Variants in GLIS2 observed in about 807,000 individuals in gnomAD.
GLIS2 encodes the protein zinc finger protein GLIS2.
GLIS2 carries 14 observed loss-of-function variants against 35.6 expected under a neutral mutation model. That is an observed-to-expected ratio of 0.39 (90% CI 0.26 to 0.61). The LOEUF (loss-of-function observed/expected upper bound fraction) is 0.61, where lower values mean the gene tolerates loss of function less well. Among genes scored for constraint, GLIS2 ranks in the 20% least tolerant of loss-of-function variants. The probability of loss-of-function intolerance (pLI) is 0.48; values close to 1 mark genes in which losing one functional copy is unlikely to be tolerated. For missense variants in GLIS2, 675 were observed against 713.4 expected (o/e 0.95, Z 0.61); for synonymous variants, 368 against 325.1 (o/e 1.13, Z -1.42).
In GLIS2 at chr16:4,334,870, G is replaced by T; in HGVS notation, c.415G>T (p.Gly139Trp). 8.1e-6 allele frequency: 13 copies of T among 1,612,614 alleles called. No homozygotes were observed. The highest frequency in any genetic ancestry group is 1.1e-5 in the Non-Finnish European group (13 of 1,179,878). ...SFQFFLPLGS[G>W]GALHLPASSF... ...CCAGTTCTTCCTGCCCCTCGGCTCC[G>T]GGGGGGCCCTGCACCTGCCTGCCTC... The change falls in exon 4 of 7, where the codon GGG becomes TGG. Residue 139 changes from glycine (G) to tryptophan (W), a missense_variant. This residue lies in a region of GLIS2 where 225 missense variants were observed against 238.7 expected (regional missense o/e 0.94). Coordinates refer to ENST00000433375, the MANE Select transcript of GLIS2 (RefSeq NM_032575.3).
intron 2 of GLIS2, 45 bp from the exon 3 acceptor site, chr16:4,333,302 G>A: frequency 1.2e-6 from 2 of 1,609,236 alleles, no homozygotes; most frequent in South Asian, 2.2e-5. Flanking sequence ...CTGGCCCACT[G>A]GGACTCTACA....
chr16:4,322,605 AC>A (rs2053389600), intron 1 of GLIS2, among the ~76,000 whole-genome samples: 1 of 150,218 alleles, frequency 6.7e-6, no homozygotes, highest in Admixed American at 6.6e-5. Flanking sequence ...TCTGTGCCCA[AC>A]CCCCTGCAGG....
Position 4,338,102 on chromosome 16 carries a change from G to C in GLIS2, c.*578G>C, listed in dbSNP as rs941963976. 4.1e-5 allele frequency: 7 copies of C among 168,952 alleles called. No homozygotes were observed. The highest frequency in any genetic ancestry group is 1.3e-5 in the Non-Finnish European group (1 of 77,896). 10.5% of individuals were successfully genotyped at this position (168,952 alleles called of 1,614,324 possible). A position where few individuals can be genotyped will look rare whatever the true frequency, so the allele number is the denominator to read the frequency against. ...CCTGCAAAGCCCCAGGTAGAAGCAT[G>C]CCCCCCAGGACAAGGCGCCTCCCAC... On this transcript the variant is annotated 3_prime_UTR_variant, in exon 7 of 7. Coordinates refer to ENST00000433375, the MANE Select transcript of GLIS2 (RefSeq NM_032575.3).
rs2053566706 is a variant in GLIS2, at chr16:4,337,356, G to C, written c.1407G>C (p.Glu469Asp). 1.3e-6 allele frequency: 2 copies of C among 1,593,004 alleles called. No individual in the cohort carries two copies. Among genetic ancestry groups the C allele is most frequent in the Non-Finnish European group, 1.7e-6 (2 of 1,171,616 alleles). The change falls in exon 7 of 7, where the codon GAG becomes GAC. Residue 469 changes from glutamate to aspartate, a missense_variant. This residue lies in a region of GLIS2 where 317 missense variants were observed against 283.2 expected (regional missense o/e 1.12). Transcript: ENST00000433375. ...EGHKTPLERT[E>D]SSCSRPSPDG... ...ACAAGACGCCCCTTGAAAGGACGGAGAGCAGCTGCTCCCGGCCAAGCCCCG... is the reference window on the plus strand; with the variant it reads ...ACAAGACGCCCCTTGAAAGGACGGACAGCAGCTGCTCCCGGCCAAGCCCCG...
Position 4,332,086 on chromosome 16 carries a change from G to A in GLIS2, c.-66-129G>A, listed in dbSNP as rs1334900177. ...TGATAGCTGCCGGCCAGGTCGCTCG[G>A]AGGGTCTCCCTACCCAGGAGACAAC... is the stretch of plus-strand genomic sequence containing the variant. On this transcript the variant is annotated intron_variant, in intron 1 of 6. Coordinates refer to ENST00000433375, the MANE Select transcript of GLIS2 (RefSeq NM_032575.3). This position sits in a 1 kb window ranked among gnomAD's most constrained non-coding sequence, Gnocchi z 5.4. The A allele has an allele frequency of 1.1e-5, 8 of 719,316 alleles. No homozygotes were observed. The highest frequency in any genetic ancestry group is 1.4e-5 in the Non-Finnish European group (6 of 415,706). 44.6% of individuals were successfully genotyped at this position (719,316 alleles called of 1,614,324 possible). A position where few individuals can be genotyped will look rare whatever the true frequency, so the allele number is the denominator to read the frequency against.
At chr16:4,333,939 C>T (rs1259553947) in intron 3 of GLIS2, among the ~76,000 whole-genome samples, 1 of 152,026 alleles carries the variant, frequency 6.6e-6, no homozygotes, top group Non-Finnish European at 1.5e-5. Context: ...ATAGCAAGAC[C>T]CCATCTCTAT....
intron 3 of GLIS2, among the ~76,000 whole-genome samples, chr16:4,334,103 C>A (rs1399564264): frequency 6.6e-6 from 1 of 151,818 alleles, no homozygotes; most frequent in Non-Finnish European, 1.5e-5. Flanking sequence ...TCACACCTGG[C>A]TACTTTTGTA....
chr16:4,334,397 C>T (rs2053527914), intron 3 of GLIS2, among the ~76,000 whole-genome samples: 1 of 151,802 alleles, frequency 6.6e-6, no homozygotes, highest in Admixed American at 6.6e-5. Flanking sequence ...GCCATCACGC[C>T]TGGCTAATTT....
At chr16:4,326,416 C>T (rs1227738821) in intron 1 of GLIS2, 7 of 152,244 alleles carry the variant, frequency 4.6e-5, no homozygotes, top group African/African-American at 1.7e-4. Context: ...AACACTGCCA[C>T]GCTGGTCACT....
intron 1 of GLIS2, among the ~76,000 whole-genome samples, chr16:4,331,040 G>T (rs1399122705): frequency 6.6e-6 from 1 of 152,112 alleles, no homozygotes; most frequent in Non-Finnish European, 1.5e-5. Flanking sequence ...GCAGTGGTGC[G>T]ATCTCGGCTC....
At chr16:4,315,669 G>A (rs1039016168), upstream of GLIS2, among the ~76,000 whole-genome samples, 27 of 151,260 alleles carry the variant, frequency 1.8e-4, no homozygotes, top group East Asian at 3.9e-4. Context: ...GGGGCCGCGG[G>A]GGGGGGGTGG....
intron 1 of GLIS2, among the ~76,000 whole-genome samples, chr16:4,324,142 G>T (rs1424385515): frequency 6.6e-6 from 1 of 152,188 alleles, no homozygotes; most frequent in East Asian, 1.9e-4. Flanking sequence ...GAGGGGGTCT[G>T]CCCTCCCAAA....
rs532656449 is a variant in GLIS2, at chr16:4,336,597, C to T, written c.776-128C>T. On this transcript the variant is annotated intron_variant, in intron 6 of 6. Transcript: ENST00000433375. ...TCATGCCATGTGCTGGGGATGCCCC[C>T]TGCCCCCAGAATTGGGGCATCTATG... 1.8e-4 allele frequency: 170 copies of T among 938,390 alleles called. No homozygotes were observed. In the African/African-American group the frequency reaches 2.6e-3, roughly 14 times the overall value. The allele number at this position is 938,390 out of a possible 1,614,324, so 58.1% of individuals were successfully genotyped here. A position where few individuals can be genotyped will look rare whatever the true frequency, so the allele number is the denominator to read the frequency against.
At chr16:4,318,724 C>T (rs996029044) in intron 1 of GLIS2, among the ~76,000 whole-genome samples, 4 of 152,260 alleles carry the variant, frequency 2.6e-5, no homozygotes, top group Admixed American at 1.3e-4. Context: ...CTGGCCTTGG[C>T]CCCGGGCGGT....
chr16:4,333,622 C>G, intron 3 of GLIS2, 103 bp downstream of exon 3: 1 of 1,272,110 alleles, frequency 7.9e-7, no homozygotes, highest in Non-Finnish European at 1.1e-6. Context: ...AGATGTGTTA[C>G]CCCTCATAAT....
rs778528093 is a variant in GLIS2, at chr16:4,335,150, C to A, written c.613C>A (p.His205Asn). 3 of 1,613,148 alleles carry A rather than the reference C, an allele frequency of 1.9e-6. No homozygotes were observed. In the African/African-American group the frequency reaches 4.0e-5, roughly 22 times the overall value. ...KPEKDAGYCC[H>N]WEGCARHGRG... is the part of the protein sequence containing the mutation. ...CGAGAAGGATGCGGGGTACTGCTGC[C>A]ACTGGGAGGGCTGCGCCCGCCATGG... is the stretch of plus-strand genomic sequence containing the variant. The change falls in exon 5 of 7, where the codon CAC becomes AAC. Residue 205 changes from histidine to asparagine, a missense_variant. His to Asn is a moderately conservative substitution (Grantham distance 68, BLOSUM62 1). Around this residue, in one of 3 missense-constraint regions of GLIS2, gnomAD observed 133 missense variants for 191.4 expected, o/e 0.69. Transcript: ENST00000433375. This position sits in a 1 kb window ranked among gnomAD's most constrained non-coding sequence, Gnocchi z 4.6.
chr16:4,326,259 C>CA (rs905266168), intron 1 of GLIS2, among the ~76,000 whole-genome samples: 11 of 151,814 alleles, frequency 7.2e-5, no homozygotes, highest in Admixed American at 2.6e-4. Context: ...AAGAAACAAA[C>CA]AAAAAAAACA....
In GLIS2 at chr16:4,339,381, T is replaced by G. The variant is rs1350073808; in HGVS notation, c.*1857T>G. ...AGGCTCGGCAGGGCCGGTGTACTTT[T>G]TGTGGTTGTCATTGGTGTGTTGTTG... On this transcript the variant is annotated 3_prime_UTR_variant, in exon 7 of 7. Transcript: ENST00000433375. The G allele has an allele frequency of 6.5e-6, 1 of 152,786 alleles. No homozygotes were observed. The highest frequency in any genetic ancestry group is 1.5e-5 in the Non-Finnish European group (1 of 68,210). The allele number at this position is 152,786 out of a possible 1,614,324, so 9.5% of individuals were successfully genotyped here. A position where few individuals can be genotyped will look rare whatever the true frequency, so the allele number is the denominator to read the frequency against.
chr16:4,334,480 C>T (rs907647360), intron 3 of GLIS2, among the ~76,000 whole-genome samples: 2 of 152,052 alleles, frequency 1.3e-5, no homozygotes, highest in African/African-American at 2.4e-5. Flanking sequence ...TCAAGTGATC[C>T]GCCCACCTCA....
Sources: allele counts gnomAD v4.1 joint callset (sites outside exome capture counted in the v4.1 genomes callset), GRCh38; gene constraint gnomAD v4.1.1; regional missense constraint gnomAD v4.1.1; non-coding constraint Gnocchi (gnomAD v3.1); transcripts MANE v1.5; gene names NCBI Gene and HGNC (gene_info 2026-07-23, HGNC 2026-07-21).